Variants in CD5 observed in about 807,000 individuals in gnomAD.
The protein encoded by CD5 is CD5 molecule, also known as T-cell surface glycoprotein CD5.
CD5 carries 36 observed loss-of-function variants against 60.3 expected under a neutral mutation model. That is an observed-to-expected ratio of 0.60 (90% CI 0.46 to 0.79). The LOEUF is 0.79. Among genes scored for constraint, CD5 ranks in the 30% least tolerant of loss-of-function variants. The pLI is 0.00. For missense variants in CD5, 540 were observed against 630.6 expected, an observed-to-expected ratio of 0.86 and a Z score of 1.54; for synonymous variants, 230 against 257.6, an observed-to-expected ratio of 0.89 and a Z score of 1.03.
chr11:61,103,056 T>C (rs1860723781), intron 1 of CD5, among the ~76,000 whole-genome samples: 1 of 152,218 alleles, frequency 6.6e-6, no homozygotes. Flanking sequence ...GCTCTGATGA[T>C]GCTCTGGACA....
At chr11:61,101,778 ACAC>A (rs1475945366), upstream of CD5, among the ~76,000 whole-genome samples, 8 of 152,112 alleles carry the variant, frequency 5.3e-5, no homozygotes, top group African/African-American at 1.9e-4. Flanking sequence ...GAGTTCACAC[ACAC>A]ATCAACATGG....
intron 2 of CD5, among the ~76,000 whole-genome samples, chr11:61,116,505 C>CCA (rs1203721124): frequency 1.0e-4 from 12 of 116,186 alleles, no homozygotes; most frequent in African/African-American, 3.1e-4. Context: ...CACCACCACA[C>CCA]CACACACACA....
chr11:61,123,801 G>GCCCACCC, intron 7 of CD5, 83 bp from the exon 8 acceptor site: 2 of 755,848 alleles, frequency 2.6e-6, no homozygotes, highest in Non-Finnish European at 2.3e-6. Context: ...TCCCTCCCAG[G>GCCCACCC]CCCAGCCCCA....
Position 61,126,411 on chromosome 11 carries a change from C to T in CD5, c.*126C>T, listed in dbSNP as rs1861149530. ...CCAGAACATGGACAGAGGCCAGAAGCCTTCCGGACAGGCGCTGCTGCCCCG... is the reference window on the plus strand; with the variant it reads ...CCAGAACATGGACAGAGGCCAGAAGTCTTCCGGACAGGCGCTGCTGCCCCG... On this transcript the variant is annotated 3_prime_UTR_variant, in exon 11 of 11. Transcript: ENST00000347785. 6.6e-6 allele frequency: 1 copy of T among 152,308 alleles called. No individual in the cohort carries two copies. Among genetic ancestry groups the T allele is most frequent in the Non-Finnish European group, 1.5e-5 (1 of 68,088 alleles). 9.4% of individuals were successfully genotyped at this position (152,308 alleles called of 1,614,324 possible). A position where few individuals can be genotyped will look rare whatever the true frequency, so the allele number is the denominator to read the frequency against.
upstream of CD5, among the ~76,000 whole-genome samples, chr11:61,099,409 T>A (rs1590762346): frequency 7.8e-6 from 1 of 128,160 alleles, no homozygotes; most frequent in African/African-American, 3.5e-5. Flanking sequence ...AACATGGAAA[T>A]CACACACATC....
chr11:61,117,701 G>T (rs150568885), intron 2 of CD5, among the ~76,000 whole-genome samples: 2,795 of 152,180 alleles, frequency 0.018, 94 homozygotes, highest in African/African-American at 0.062. Flanking sequence ...GTTTCACCAT[G>T]TTGGCCAGGC....
At chr11:61,100,075 TCACACACATCAACATGGAGATCA>T (rs1860642247), upstream of CD5, among the ~76,000 whole-genome samples, 2 of 30,812 alleles carry the variant, frequency 6.5e-5, no homozygotes, top group East Asian at 1.3e-3. Flanking sequence ...TGGAGATCAC[TCACACACATCAACATGGAGATCA>T]CACACACATC....
At chr11:61,116,248 G>A (rs930609325) in intron 2 of CD5, among the ~76,000 whole-genome samples, 1 of 152,048 alleles carries the variant, frequency 6.6e-6, no homozygotes, top group Non-Finnish European at 1.5e-5. Context: ...GATCTGTAGT[G>A]AAGAGTCTCA....
At chr11:61,124,262 G>A (rs541216286) in intron 8 of CD5, among the ~76,000 whole-genome samples, 232 of 152,296 alleles carry the variant, frequency 1.5e-3, no homozygotes, top group Non-Finnish European at 2.3e-3. Context: ...CCCCAACACA[G>A]TAGCCAGTGG....
chr11:61,121,845 T>C lies in CD5; in HGVS notation c.1040T>C (p.Leu347Pro). Residue 347 changes from leucine (L) to proline (P), a missense_variant, in exon 6 of 11, where the codon CTG (leucine) becomes CCG (proline). Coordinates refer to ENST00000347785, the MANE Select transcript of CD5 (RefSeq NM_014207.4). ...SRGLFCPHQK[L>P]SQCHELWERN... ...GGGCTCTTCTGTCCCCATCAGAAGC[T>C]GTCCCAGTGCCACGAACTTTGGGAG... 6.3e-7 allele frequency: 1 copy of C among 1,582,342 alleles called. No individual in the cohort carries two copies. The highest frequency in any genetic ancestry group is 8.6e-7 in the Non-Finnish European group (1 of 1,158,950).
At chr11:61,122,333 T>A (rs1043425610) in intron 6 of CD5, among the ~76,000 whole-genome samples, 37 of 139,822 alleles carry the variant, frequency 2.6e-4, no homozygotes, top group Non-Finnish European at 4.7e-4. Flanking sequence ...GATGGATGGA[T>A]GGATGGATGG....
chr11:61,119,460 C>G lies in CD5; in HGVS notation c.690C>G (p.His230Gln). The G allele has an allele frequency of 6.2e-7, 1 of 1,614,206 alleles. No homozygotes were observed. The highest frequency in any genetic ancestry group is 1.3e-5 in the African/African-American group (1 of 75,060). ...RAQDPGEPRE[H>Q]QPLPIQWKIQ... Reference sequence around the variant, plus strand: ...AAGACCCAGGGGAGCCACGGGAACACCAGCCCTTGCCAATCCAATGGAAGA... The same window carrying G: ...AAGACCCAGGGGAGCCACGGGAACAGCAGCCCTTGCCAATCCAATGGAAGA... Residue 230 changes from histidine to glutamine, a missense_variant, in exon 5 of 11, where the codon CAC becomes CAG. Coordinates refer to ENST00000347785, the MANE Select transcript of CD5 (RefSeq NM_014207.4).
At chr11:61,111,078 G>T (rs1485556300) in intron 1 of CD5, among the ~76,000 whole-genome samples, 1 of 152,236 alleles carries the variant, frequency 6.6e-6, no homozygotes, top group Non-Finnish European at 1.5e-5. Flanking sequence ...TCTCCAGCTT[G>T]TTCAGTCTTT....
chr11:61,121,715 T>C lies in CD5; in HGVS notation c.910T>C (p.Ser304Pro), dbSNP rs1460527588. 1 of 1,609,228 alleles carries C rather than the reference T, an allele frequency of 6.2e-7. No individual in the cohort carries two copies. The highest frequency in any genetic ancestry group is 8.5e-7 in the Non-Finnish European group (1 of 1,176,744). The change falls in exon 6 of 11, where the codon TCT becomes CCT. Residue 304 changes from serine to proline, a missense_variant. Transcript: ENST00000347785. The part of the protein sequence containing the change: ...GAQWAALCDS[S>P]SARSSLRWEE... The stretch of plus-strand genomic sequence containing the variant: ...TCAGTGGGCAGCCCTGTGTGACAGC[T>C]CTTCAGCCAGGAGCTCGCTGCGGTG...
intron 1 of CD5, among the ~76,000 whole-genome samples, chr11:61,112,195 C>T (rs1361332913): frequency 4.6e-5 from 7 of 152,146 alleles, no homozygotes; most frequent in Non-Finnish European, 2.9e-5. Flanking sequence ...GGCAGACTGC[C>T]CTGCTCCTGA....
upstream of CD5, chr11:61,102,305 C>T: frequency 1.8e-6 from 1 of 551,756 alleles, no homozygotes; most frequent in Non-Finnish European, 3.3e-6. Flanking sequence ...ACTGCCCCAG[C>T]CCTGGGTACC....
intron 1 of CD5, among the ~76,000 whole-genome samples, chr11:61,109,762 T>C (rs1299139377): frequency 6.6e-6 from 1 of 152,168 alleles, no homozygotes. Flanking sequence ...GCCGTCTGAC[T>C]TCTTTAGCCC....
upstream of CD5, among the ~76,000 whole-genome samples, chr11:61,101,578 A>T (rs1860687810): frequency 6.6e-6 from 1 of 151,254 alleles, no homozygotes; most frequent in African/African-American, 2.4e-5. Context: ...CACACACATC[A>T]ACATGGAAAT....
intron 1 of CD5, 88 bp from the exon 2 acceptor site, chr11:61,114,968 C>A: frequency 8.0e-7 from 1 of 1,257,502 alleles, no homozygotes; most frequent in South Asian, 1.3e-5. Context: ...GCAGAAAGGG[C>A]CATTGCTCGG....
Sources: gnomAD v4.1 joint callset for allele counts (sites outside exome capture counted in the v4.1 genomes callset) on GRCh38, gnomAD v4.1.1 for gene constraint, MANE v1.5 for transcripts, NCBI Gene and HGNC (gene_info 2026-07-23, HGNC 2026-07-21) for gene names.